The following CLTCL1 variants were observed in gnomAD, a reference collection of about 807,000 sequenced individuals.
The protein encoded by CLTCL1 is clathrin heavy chain like 1, also known as clathrin heavy chain 2.
Under a neutral mutation model 190.0 loss-of-function variants are expected in CLTCL1, and 159 were observed. The observed-to-expected ratio is 0.84, with a 90% CI of 0.74 to 0.95. CLTCL1 has a LOEUF of 0.95. CLTCL1 is among the 40% of genes least tolerant of loss of function. The pLI is 0.00. For synonymous variants in CLTCL1, 752 were observed against 769.6 expected (o/e 0.98, Z 0.38); for missense variants, 1,878 against 2,033.4 (o/e 0.92, Z 1.47).
intron 19 of CLTCL1, among the ~76,000 whole-genome samples, chr22:19,213,107 A>G (rs2085283768): frequency 6.6e-6 from 1 of 152,246 alleles, no homozygotes; most frequent in Admixed American, 6.5e-5. Context: ...GAATATACAA[A>G]GAACTCTGAA....
chr22:19,192,212 G>A (rs1018620801), intron 26 of CLTCL1, among the ~76,000 whole-genome samples: 105 of 152,056 alleles, frequency 6.9e-4, no homozygotes, highest in African/African-American at 2.4e-3. Flanking sequence ...ACTACAGGCA[G>A]CTGCCACCAT....
intron 26 of CLTCL1, among the ~76,000 whole-genome samples, chr22:19,192,954 C>T (rs903536462): frequency 2.0e-5 from 3 of 152,090 alleles, no homozygotes; most frequent in Admixed American, 6.5e-5. Flanking sequence ...GACATGGGGG[C>T]CTCAACTAGA....
chr22:19,214,836 A>G (rs1245790859), intron 19 of CLTCL1, among the ~76,000 whole-genome samples: 1 of 152,104 alleles, frequency 6.6e-6, no homozygotes, highest in Non-Finnish European at 1.5e-5. Flanking sequence ...ACCTGCCATC[A>G]TGCCTGGCTG....
Position 19,223,998 on chromosome 22 carries a change from G to A in CLTCL1, c.2185C>T (p.Leu729=). The A allele has an allele frequency of 6.2e-7, 1 of 1,613,994 alleles. No homozygotes were observed. ...VNFSQDPDVH[L]KYIQAACKTG... ...TTACAGGCAGCCTGAATGTATTTCA[G>A]ATGCACATCTGGGTCTTGGCTGAAG... The change falls in exon 14 of 33, where the codon CTG becomes TTG. Residue 729 remains leucine, a synonymous_variant. Coordinates refer to ENST00000427926, the MANE Select transcript of CLTCL1 (RefSeq NM_007098.4).
intron 2 of CLTCL1, chr22:19,258,490 G>C (rs373886568): frequency 1.8e-4 from 87 of 488,278 alleles, no homozygotes; most frequent in African/African-American, 1.6e-3. Context: ...AACAGCCTAA[G>C]GGAGGTGGAG....
chr22:19,258,145 G>A, intron 2 of CLTCL1: 6 of 370,138 alleles, frequency 1.6e-5, no homozygotes, highest in South Asian at 1.3e-4. Context: ...CTCTCAAGGA[G>A]AAGCTGTTCT....
chr22:19,199,690 G>A, intron 24 of CLTCL1, 44 bp downstream of exon 24: 4 of 1,447,630 alleles, frequency 2.8e-6, no homozygotes, highest in Non-Finnish European at 2.8e-6. Flanking sequence ...GAGTGTTTAG[G>A]CATCACTTGT....
intron 18 of CLTCL1, among the ~76,000 whole-genome samples, chr22:19,218,798 G>A (rs1030039881): frequency 2.0e-5 from 3 of 152,204 alleles, no homozygotes; most frequent in East Asian, 1.9e-4. Context: ...CCCAGAGGCC[G>A]AGGCAGACTC....
In CLTCL1 at chr22:19,183,375, C is replaced by T. The variant is rs115478161; in HGVS notation, c.4827+15G>A. ...CACACAGGGGCCGGGGAGCTGCAGC[C>T]GGCCCGGCACCTACCTTGCTCAGGT... On this transcript the variant is annotated intron_variant, in intron 30 of 32. Coordinates refer to ENST00000427926, the MANE Select transcript of CLTCL1 (RefSeq NM_007098.4). The T allele has an allele frequency of 4.6e-3, 7,442 of 1,608,548 alleles. 282 individuals carry two copies. In the African/African-American group the frequency reaches 0.082, roughly 18 times the overall value.
At chr22:19,214,069 C>T (rs1175626791) in intron 19 of CLTCL1, among the ~76,000 whole-genome samples, 4 of 152,190 alleles carry the variant, frequency 2.6e-5, no homozygotes, top group African/African-American at 9.7e-5. Flanking sequence ...ATCTGGATCG[C>T]TCTTAGAGCT....
chr22:19,287,535 C>A (rs1216883417), intron 1 of CLTCL1, among the ~76,000 whole-genome samples: 1 of 152,038 alleles, frequency 6.6e-6, no homozygotes, highest in Admixed American at 6.6e-5. Flanking sequence ...GAAACCACTC[C>A]CTGAAGGACT....
chr22:19,210,499 T>C lies in CLTCL1; in HGVS notation c.3076A>G (p.Asn1026Asp). ...SVFSEHRNLQNLLILTAIKAD... is the reference protein window; with the variant it reads ...SVFSEHRNLQDLLILTAIKAD... ...TTGATGGCAGTCAGGATCAACAGAT[T>C]CTGTAGATTCCTGAGGAGAGAGGGT... The change falls in exon 20 of 33, where the codon AAT (asparagine) becomes GAT (aspartate). Residue 1026 changes from asparagine to aspartate, a missense_variant. Physicochemically the swap from Asn to Asp is conservative, Grantham distance 23. Coordinates refer to ENST00000427926, the MANE Select transcript of CLTCL1 (RefSeq NM_007098.4). 6.2e-7 allele frequency: 1 copy of C among 1,613,472 alleles called. No homozygotes were observed. The highest frequency in any genetic ancestry group is 1.3e-5 in the African/African-American group (1 of 75,030).
intron 1 of CLTCL1, among the ~76,000 whole-genome samples, chr22:19,285,901 T>C (rs966296541): frequency 5.3e-5 from 8 of 152,184 alleles, no homozygotes; most frequent in Admixed American, 4.6e-4. Flanking sequence ...TTCAGTGTGT[T>C]AAGTTACAAA....
intron 30 of CLTCL1, chr22:19,181,934 A>C (rs2084153868): frequency 6.6e-6 from 1 of 152,252 alleles, no homozygotes; most frequent in Non-Finnish European, 1.5e-5. Flanking sequence ...GTGCAGCCAC[A>C]GTGTGGACCA....
chr22:19,221,474 T>C lies in CLTCL1; in HGVS notation c.2699A>G (p.Tyr900Cys), dbSNP rs1555952267. The change falls in exon 17 of 33, where the codon TAT (tyrosine) becomes TGT (cysteine). Residue 900 changes from tyrosine to cysteine, a missense_variant. Tyr to Cys is a radical substitution (Grantham distance 194). Transcript: ENST00000427926. ...PECFLRENAY[Y>C]DSSVVGRYCE... Reference sequence around the variant, plus strand: ...GTAGCGGCCCACCACGCTGCTGTCATAGTAGGCATTCTCTCTCAGGAAGCA... The same window carrying C: ...GTAGCGGCCCACCACGCTGCTGTCACAGTAGGCATTCTCTCTCAGGAAGCA... 6.3e-7 allele frequency: 1 copy of C among 1,592,136 alleles called. No homozygotes were observed. The highest frequency in any genetic ancestry group is 8.6e-7 in the Non-Finnish European group (1 of 1,169,054).
At chr22:19,238,401 T>C (rs2086148573) in intron 5 of CLTCL1, 1 of 153,912 alleles carries the variant, frequency 6.5e-6, no homozygotes, top group African/African-American at 2.4e-5. Flanking sequence ...AGATTTCTTA[T>C]ATATTTTACA....
In CLTCL1 at chr22:19,196,253, T is replaced by A. The variant is rs782512890; in HGVS notation, c.4191+13A>T. 7 of 1,610,972 alleles carry A rather than the reference T, an allele frequency of 4.3e-6. No homozygotes were observed. The Admixed American group carries it at 1.2e-4, about 27-fold the overall frequency. On this transcript the variant is annotated intron_variant, in intron 26 of 32. Transcript: ENST00000427926. The stretch of plus-strand genomic sequence containing the variant: ...GAGGCTGGCAGGAGCCAGCGCTCTG[T>A]ATCCCCTCTTACCTTGGTAATGATG...
intron 2 of CLTCL1, among the ~76,000 whole-genome samples, chr22:19,266,348 G>GA (rs2087123738): frequency 6.6e-6 from 1 of 152,256 alleles, no homozygotes; most frequent in African/African-American, 2.4e-5. Flanking sequence ...TACATTCCTA[G>GA]AAAGACACAA....
chr22:19,270,860 C>G (rs2793060), intron 2 of CLTCL1, among the ~76,000 whole-genome samples: 9,390 of 151,276 alleles, frequency 0.062, 350 homozygotes, highest in Middle Eastern at 0.16. Flanking sequence ...GATGGGGGTA[C>G]CTTTTAGTGT....
Sources: gnomAD v4.1 joint callset for allele counts (sites outside exome capture counted in the v4.1 genomes callset) on GRCh38, gnomAD v4.1.1 for gene constraint, MANE v1.5 for transcripts, NCBI Gene and HGNC (gene_info 2026-07-23, HGNC 2026-07-21) for gene names.